The following TP53BP1 variants were observed in gnomAD, a reference collection of about 807,000 sequenced individuals.
TP53BP1 encodes tumor protein p53 binding protein 1, also known as TP53-binding protein 1.
Under a neutral mutation model 200.8 loss-of-function variants are expected in TP53BP1, and 61 were observed. The ratio of observed to expected loss-of-function variants is 0.30; its 90% CI spans 0.25 to 0.38. The LOEUF (loss-of-function observed/expected upper bound fraction) is 0.38, where lower values mean the gene tolerates loss of function less well. Ranked by LOEUF, TP53BP1 falls within the 10% of genes least tolerant of loss-of-function variation. The pLI is 1.00. For synonymous variants in TP53BP1, 822 were observed against 844.3 expected, an observed-to-expected ratio of 0.97 and a Z score of 0.46; for missense variants, 2,144 against 2,371.9, an observed-to-expected ratio of 0.90 and a Z score of 2.00.
In TP53BP1 at chr15:43,462,020, T is replaced by A. The variant is rs2046446161; in HGVS notation, c.1390-4802A>T. 2.0e-5 allele frequency among the ~76,000 whole-genome samples: 3 copies of A among 151,270 alleles called. No individual in the cohort carries two copies. In the South Asian group the frequency reaches 6.3e-4, roughly 32 times the overall value. ...TATATAATCTTCATGTAATTTTAGT[T>A]AATAAACATATATCAAAAAAAGCTA... On this transcript the variant is annotated intron_variant, in intron 11 of 27. Transcript: ENST00000382044.
At chr15:43,420,789 T>C (rs2142991402) in intron 20 of TP53BP1, 54 bp from the exon 21 acceptor site, 1 of 1,497,244 alleles carries the variant, frequency 6.7e-7, no homozygotes, top group Non-Finnish European at 9.0e-7. Flanking sequence ...CACAGAAGTA[T>C]ATATCTACCA....
chr15:43,444,596 A>G (rs1424990889), intron 14 of TP53BP1, among the ~76,000 whole-genome samples: 1 of 152,136 alleles, frequency 6.6e-6, no homozygotes, highest in Non-Finnish European at 1.5e-5. Flanking sequence ...AAGGCGCTCA[A>G]CCTTCCTGTG....
chr15:43,450,462 T>C (rs2046140808), intron 12 of TP53BP1, among the ~76,000 whole-genome samples: 1 of 152,220 alleles, frequency 6.6e-6, no homozygotes, highest in South Asian at 2.1e-4. Flanking sequence ...TTCTATCAAG[T>C]AAGCAAATAA....
chr15:43,469,873 C>G lies in TP53BP1; in HGVS notation c.1374G>C (p.Gln458His). The change falls in exon 11 of 28, where the codon CAG becomes CAC. Residue 458 changes from glutamine to histidine, a missense_variant. Coordinates refer to ENST00000382044, the MANE Select transcript of TP53BP1 (RefSeq NM_001141980.3). ...CAATACTCACATGAGAAAACTGAGG[C>G]TGGGATGGGATAGGAAGTGACCCAG... ...FPPGSLPIPS[Q>H]PQFSHDIFIP... 2 of 1,613,412 alleles carry G rather than the reference C, an allele frequency of 1.2e-6. No individual in the cohort carries two copies. The highest frequency in any genetic ancestry group is 2.2e-5 in the South Asian group (2 of 91,066).
Position 43,405,417 on chromosome 15 carries a change from A to C in TP53BP1, c.*1966T>G, listed in dbSNP as rs1484054630. 8.2e-6 allele frequency: 5 copies of C among 611,664 alleles called. No homozygotes were observed. The highest frequency in any genetic ancestry group is 1.5e-5 in the Non-Finnish European group (5 of 344,138). The allele number at this position is 611,664 out of a possible 1,614,324, so 37.9% of individuals were successfully genotyped here. A position where few individuals can be genotyped will look rare whatever the true frequency, so the allele number is the denominator to read the frequency against. On this transcript the variant is annotated 3_prime_UTR_variant, in exon 28 of 28. Transcript: ENST00000382044. ...CCATGTGGAAGGGTCTCTCCCATCA[A>C]GGAGAACATGTGGCATCTCTGATCC...
At chr15:43,461,319 A>C (rs1180060544) in intron 11 of TP53BP1, among the ~76,000 whole-genome samples, 1 of 151,936 alleles carries the variant, frequency 6.6e-6, no homozygotes, top group East Asian at 1.9e-4. Context: ...TCCTAGGCTC[A>C]AGTGATTCTC....
intron 17 of TP53BP1, among the ~76,000 whole-genome samples, chr15:43,430,432 C>T (rs2045642850): frequency 6.7e-6 from 1 of 149,312 alleles, no homozygotes; most frequent in African/African-American, 2.4e-5. Flanking sequence ...ATCTGCATAA[C>T]ATAAAATATA....
At chr15:43,426,776 G>A (rs997553302) in intron 18 of TP53BP1, among the ~76,000 whole-genome samples, 11 of 151,596 alleles carry the variant, frequency 7.3e-5, no homozygotes, top group African/African-American at 2.7e-4. Flanking sequence ...ACTTTGGGAG[G>A]CCGAGGCCTG....
chr15:43,467,810 G>C (rs1221863045), intron 11 of TP53BP1, among the ~76,000 whole-genome samples: 1 of 150,116 alleles, frequency 6.7e-6, no homozygotes, highest in Admixed American at 6.6e-5. Context: ...TTTTAAGACA[G>C]GGCCTCACTG....
intron 1 of TP53BP1, among the ~76,000 whole-genome samples, chr15:43,507,210 C>T (rs1222877694): frequency 6.6e-6 from 1 of 152,142 alleles, no homozygotes; most frequent in Non-Finnish European, 1.5e-5. Context: ...TCTCCACTCA[C>T]TGCAACCTCC....
chr15:43,441,607 G>A, intron 14 of TP53BP1, 24 bp from the exon 15 acceptor site: 1 of 1,571,516 alleles, frequency 6.4e-7, no homozygotes, highest in Non-Finnish European at 8.8e-7. Context: ...AAACCAAGGA[G>A]AGAAAGGAAA....
chr15:43,426,439 C>CA (rs538087512), intron 18 of TP53BP1, among the ~76,000 whole-genome samples: 730 of 56,004 alleles, frequency 0.013, 13 homozygotes, highest in Non-Finnish European at 0.014. Context: ...GACTCTGTGT[C>CA]AAAAAAAAAA....
intron 5 of TP53BP1, 26 bp downstream of exon 5, chr15:43,480,868 AT>A (rs2078954648): frequency 6.2e-7 from 1 of 1,613,460 alleles, no homozygotes; most frequent in South Asian, 1.1e-5. Context: ...AGAACAGTCT[AT>A]TATTCTGAAA....
rs117879010 is a variant in TP53BP1 at position 43,413,447 on chromosome 15, T to C, written c.5090-113A>G. Reference sequence around the variant, plus strand: ...ATGACCTGATGGGCAGGCACTGTCCTGATGAACTTATCTGAGCCAGAAACC... The same window carrying C: ...ATGACCTGATGGGCAGGCACTGTCCCGATGAACTTATCTGAGCCAGAAACC... On this transcript the variant is annotated intron_variant, in intron 23 of 27. Coordinates refer to ENST00000382044, the MANE Select transcript of TP53BP1 (RefSeq NM_001141980.3). 1,641 of 803,892 alleles carry C rather than the reference T, an allele frequency of 2.0e-3. 5 individuals are homozygous for C. The highest frequency in any genetic ancestry group is 2.9e-3 in the Middle Eastern group (8 of 2,784). The allele number at this position is 803,892 out of a possible 1,614,324, so 49.8% of individuals were successfully genotyped here.
chr15:43,492,977 T>C, intron 1 of TP53BP1, 60 bp downstream of exon 1: 3 of 1,596,370 alleles, frequency 1.9e-6, no homozygotes, highest in Non-Finnish European at 1.7e-6. Flanking sequence ...AGCCATCCCT[T>C]CAGACCCGAA....
intron 18 of TP53BP1, among the ~76,000 whole-genome samples, chr15:43,427,002 A>G (rs1215456312): frequency 6.7e-6 from 1 of 148,670 alleles, no homozygotes; most frequent in Non-Finnish European, 1.5e-5. Context: ...TGGGCAACAG[A>G]GCAAGACTCT....
Position 43,404,034 on chromosome 15 carries a change from A to G in TP53BP1, c.*3349T>C. ...CTGAATAGTTTATTCAGCCCATCAA[A>G]TAAGCATTGGGTTGTTCTAACTTCC... On this transcript the variant is annotated 3_prime_UTR_variant, in exon 28 of 28. Coordinates refer to ENST00000382044, the MANE Select transcript of TP53BP1 (RefSeq NM_001141980.3). The G allele has an allele frequency of 1.8e-6, 1 of 552,080 alleles. No individual in the cohort carries two copies. The highest frequency in any genetic ancestry group is 3.2e-6 in the Non-Finnish European group (1 of 310,058). 34.2% of individuals were successfully genotyped at this position (552,080 alleles called of 1,614,324 possible). A position where few individuals can be genotyped will look rare whatever the true frequency, so the allele number is the denominator to read the frequency against.
chr15:43,452,215 G>A (rs2046187042), intron 12 of TP53BP1, among the ~76,000 whole-genome samples: 2 of 151,972 alleles, frequency 1.3e-5, no homozygotes, highest in East Asian at 1.9e-4. Context: ...ATATTTTTCT[G>A]TTCTTTTTGC....
chr15:43,466,192 C>T (rs763054996), intron 11 of TP53BP1, among the ~76,000 whole-genome samples: 2 of 152,060 alleles, frequency 1.3e-5, no homozygotes, highest in Non-Finnish European at 2.9e-5. Context: ...GGAGAATCTC[C>T]ACGGATGACA....
Sources: allele counts gnomAD v4.1 joint callset (sites outside exome capture counted in the v4.1 genomes callset), GRCh38; gene constraint gnomAD v4.1.1; transcripts MANE v1.5; gene names NCBI Gene and HGNC (gene_info 2026-07-23, HGNC 2026-07-21).